RBFOX3: variants seen among roughly 807,000 people sequenced by gnomAD.
The protein encoded by RBFOX3 is RNA binding fox-1 homolog 3.
Under a neutral mutation model 48.7 loss-of-function variants are expected in RBFOX3, and 17 were observed. The ratio of observed to expected loss-of-function variants is 0.35; its 90% CI spans 0.24 to 0.52. RBFOX3 has a LOEUF of 0.52. Among genes scored for constraint, RBFOX3 ranks in the 20% least tolerant of loss-of-function variants. The pLI is 0.94. For missense variants in RBFOX3, 382 were observed against 497.5 expected, an observed-to-expected ratio of 0.77 and a Z score of 2.21; for synonymous variants, 212 against 209.5, an observed-to-expected ratio of 1.01 and a Z score of -0.10.
chr17:79,245,218 G>A (rs1054485505), intron 3 of RBFOX3, among the ~76,000 whole-genome samples: 14 of 152,038 alleles, frequency 9.2e-5, no homozygotes, highest in South Asian at 4.2e-4. Context: ...GTCTACAGGC[G>A]TACGCCACCA....
chr17:79,202,927 A>G (rs993548552), intron 4 of RBFOX3, among the ~76,000 whole-genome samples: 1 of 152,156 alleles, frequency 6.6e-6, no homozygotes, highest in Non-Finnish European at 1.5e-5. Flanking sequence ...CCGAGGGGCT[A>G]AGCCCCCAGC....
chr17:79,090,924 G>C (rs201471886), intron 14 of RBFOX3, 39 bp from the exon 15 acceptor site: 1 of 1,221,554 alleles, frequency 8.2e-7, no homozygotes, highest in East Asian at 2.8e-5. Flanking sequence ...GCAGCTTCTC[G>C]GGGGAGGCAC....
chr17:79,103,378 T>C lies in RBFOX3; in HGVS notation c.415-124A>G. On this transcript the variant is annotated intron_variant, in intron 7 of 14. Transcript: ENST00000693108. The surrounding 1 kb of genome is among the most constrained non-coding windows in gnomAD (Gnocchi z 6.1). ...GGAGTGGGGAGAGAGAGAGAAGGGG[T>C]TGAGTCAGGTGAGTTGAGGCAGAGA... 2.9e-6 allele frequency: 2 copies of C among 691,276 alleles called. No homozygotes were observed. Among genetic ancestry groups the C allele is most frequent in the Non-Finnish European group, 2.5e-6 (1 of 392,490 alleles). The allele number at this position is 691,276 out of a possible 1,614,324, so 42.8% of individuals were successfully genotyped here. A position where few individuals can be genotyped will look rare whatever the true frequency, so the allele number is the denominator to read the frequency against.
At chr17:79,094,872 G>T (rs1041892930) in intron 13 of RBFOX3, among the ~76,000 whole-genome samples, 1 of 152,124 alleles carries the variant, frequency 6.6e-6, no homozygotes, top group Non-Finnish European at 1.5e-5. Flanking sequence ...ACCCCAAAAA[G>T]AATGTGGTAA....
chr17:79,495,089 G>A (rs2081242964), intron 1 of RBFOX3, among the ~76,000 whole-genome samples: 1 of 152,030 alleles, frequency 6.6e-6, no homozygotes, highest in Non-Finnish European at 1.5e-5. Context: ...CAGGTGTTGT[G>A]CCCCGTTAAG....
At chr17:79,123,716 G>C (rs556096712) in intron 4 of RBFOX3, among the ~76,000 whole-genome samples, 1 of 152,188 alleles carries the variant, frequency 6.6e-6, no homozygotes, top group South Asian at 2.1e-4. Context: ...TGTCAGCCTT[G>C]CTCTGCAGAT....
chr17:79,320,634 C>T lies in RBFOX3; in HGVS notation c.-174-12810G>A, dbSNP rs189658858. ...TCCAAAATCCTTTGCAACGAAACCA[C>T]GAGTCTGTCCCCACATTCTGTTTGG... On this transcript the variant is annotated intron_variant, in intron 2 of 14. Coordinates refer to ENST00000693108, the MANE Select transcript of RBFOX3 (RefSeq NM_001350451.2). Among the ~76,000 whole-genome samples the T allele has an allele frequency of 4.6e-5, 7 of 152,302 alleles. No individual in the cohort carries two copies. In the East Asian group the frequency reaches 7.7e-4, roughly 17 times the overall value.
chr17:79,392,408 G>GGTA lies in RBFOX3; in HGVS notation c.-174-84587_-174-84585dup, dbSNP rs1346377247. On this transcript the variant is annotated intron_variant, in intron 2 of 14. Coordinates refer to ENST00000693108, the MANE Select transcript of RBFOX3 (RefSeq NM_001350451.2). The surrounding 1 kb of genome is among the most constrained non-coding windows in gnomAD (Gnocchi z 5.0). ...AAGATTCATAAGCTAACTCTCACACGGTAGTGAGCGCAGGGCCCGGCCACT... is the reference window on the plus strand; with the variant it reads ...AAGATTCATAAGCTAACTCTCACACGGTAGTAGTGAGCGCAGGGCCCGGCCACT... Among the ~76,000 whole-genome samples, 1 of 152,162 alleles carries GGTA rather than the reference G, an allele frequency of 6.6e-6. No individual in the cohort carries two copies. Among genetic ancestry groups the GGTA allele is most frequent in the African/African-American group, 2.4e-5 (1 of 41,432 alleles).
intron 1 of RBFOX3, among the ~76,000 whole-genome samples, chr17:79,521,689 A>G (rs1904810723): frequency 6.6e-6 from 1 of 152,100 alleles, no homozygotes; most frequent in African/African-American, 2.4e-5. Context: ...AGACACACTC[A>G]TACTCACACA....
chr17:79,305,551 C>T (rs1002569068), intron 3 of RBFOX3, among the ~76,000 whole-genome samples: 3 of 152,116 alleles, frequency 2.0e-5, no homozygotes, highest in East Asian at 1.9e-4. Flanking sequence ...GAAATGGGCT[C>T]GGCCGCCCCC....
upstream of RBFOX3, among the ~76,000 whole-genome samples, chr17:79,612,070 T>G (rs1210147980): frequency 6.6e-6 from 1 of 151,916 alleles, no homozygotes; most frequent in African/African-American, 2.4e-5. Flanking sequence ...GCAGGAGAGA[T>G]CTATTGCTGG....
At chr17:79,139,755 G>A (rs932502290) in intron 4 of RBFOX3, among the ~76,000 whole-genome samples, 1 of 152,196 alleles carries the variant, frequency 6.6e-6, no homozygotes, top group Admixed American at 6.5e-5. Context: ...CCCTTCTGCC[G>A]CTAGGGATCA....
the RBFOX3 span, among the ~76,000 whole-genome samples, chr17:79,620,331 G>A: frequency 7.1e-6 from 1 of 141,730 alleles, no homozygotes; most frequent in African/African-American, 2.7e-5. Flanking sequence ...ATACACGCAC[G>A]CACACAGACA....
Position 79,284,543 on chromosome 17 carries a change from C to CTT in RBFOX3, c.-74+23179_-74+23180dup, listed in dbSNP as rs55731401. ...AAGCAGGCTTGGGGGAAGAGACTCG[C>CTT]TTTTTTTTTTTGACATGGAGTTTTG... On this transcript the variant is annotated intron_variant, in intron 3 of 14. Transcript: ENST00000693108. Among the ~76,000 whole-genome samples, 533 of 135,772 alleles carry CTT rather than the reference C, an allele frequency of 3.9e-3. 20 individuals are homozygous for CTT. The highest frequency in any genetic ancestry group is 0.014 in the African/African-American group (479 of 35,420). The allele number at this position is 135,772 out of a possible 152,430, so 89.1% of individuals were successfully genotyped here. A position where few individuals can be genotyped will look rare whatever the true frequency, so the allele number is the denominator to read the frequency against.
the RBFOX3 span, among the ~76,000 whole-genome samples, chr17:79,620,577 A>G: frequency 1.6e-3 from 142 of 89,408 alleles, 2 homozygotes; most frequent in Non-Finnish European, 2.0e-3. Context: ...GCGCGTGCAC[A>G]CACGCACGCA....
the RBFOX3 span, among the ~76,000 whole-genome samples, chr17:79,657,746 A>G: frequency 0.81 from 119,022 of 146,452 alleles, 49,285 homozygotes; most frequent in East Asian, 0.96. Context: ...GCAGTGGGTC[A>G]CCACAAAAAA....
At chr17:79,283,688 C>T (rs112799220) in intron 3 of RBFOX3, among the ~76,000 whole-genome samples, 4,613 of 152,256 alleles carry the variant, frequency 0.03, 113 homozygotes, top group East Asian at 0.068. Flanking sequence ...TTTTCTAGAC[C>T]CTCTTGTTGG....
chr17:79,455,285 G>A (rs1392008814), intron 2 of RBFOX3, among the ~76,000 whole-genome samples: 1 of 152,190 alleles, frequency 6.6e-6, no homozygotes, highest in Non-Finnish European at 1.5e-5. Flanking sequence ...GAGGGGGAGA[G>A]GCAGGCCCTG....
At position 79,264,589 on chromosome 17, in the gene RBFOX3, C is replaced by T. The variant is rs141847680; in HGVS notation, c.-73-28784G>A. Among the ~76,000 whole-genome samples the T allele has an allele frequency of 2.0e-5, 3 of 152,284 alleles. No individual in the cohort carries two copies. The East Asian group carries it at 5.8e-4, about 29-fold the overall frequency. ...TGTCTCATGTCACCCAGTTCGTGGT[C>T]ATCTGTCACAGCAGCCCCAGGAGAC... On this transcript the variant is annotated intron_variant, in intron 3 of 14. Transcript: ENST00000693108.
Sources: gnomAD v4.1 joint callset for allele counts (sites outside exome capture counted in the v4.1 genomes callset) on GRCh38, gnomAD v4.1.1 for gene constraint, Gnocchi (gnomAD v3.1) non-coding constraint, MANE v1.5 for transcripts, NCBI Gene and HGNC (gene_info 2026-07-23, HGNC 2026-07-21) for gene names.